Variants in BCL2 observed in about 807,000 individuals in gnomAD.
The protein encoded by BCL2 is apoptosis regulator Bcl-2.
In BCL2, 1 loss-of-function variant was observed where a neutral mutation model predicts 14.2. The ratio of observed to expected loss-of-function variants is 0.07; its 90% CI spans 0.02 to 0.33. The LOEUF (loss-of-function observed/expected upper bound fraction) is 0.33, where lower values mean the gene tolerates loss of function less well. BCL2 is among the 10% of genes least tolerant of loss of function. The pLI is 0.99. For missense variants in BCL2, 247 were observed against 305.9 expected (o/e 0.81, Z 1.44); for synonymous variants, 151 against 137.2 (o/e 1.10, Z -0.70).
In BCL2 at chr18:63,208,362, C is replaced by T. The variant is rs577390350; in HGVS notation, c.586-79603G>A. On this transcript the variant is annotated intron_variant, in intron 2 of 2. Coordinates refer to ENST00000333681, the MANE Select transcript of BCL2 (RefSeq NM_000633.3). ...CCCCACCCCCGCCCACCCGGCTCCC[C>T]GATGCTGGTGAATTAATCTATCCAC... 7.2e-5 allele frequency among the ~76,000 whole-genome samples: 11 copies of T among 152,208 alleles called. 1 individual carries two copies. The South Asian group carries it at 1.5e-3, about 20-fold the overall frequency.
At chr18:63,135,290 C>T (rs539188581) in intron 2 of BCL2, among the ~76,000 whole-genome samples, 20 of 152,240 alleles carry the variant, frequency 1.3e-4, no homozygotes, top group Non-Finnish European at 2.5e-4. Context: ...ACCTTCCTCT[C>T]TGCCCCAACT....
At chr18:63,216,829 C>T (rs1910219032) in intron 2 of BCL2, among the ~76,000 whole-genome samples, 1 of 152,148 alleles carries the variant, frequency 6.6e-6, no homozygotes, top group South Asian at 2.1e-4. Flanking sequence ...TTTTGCAGTG[C>T]AGTCAACATA....
intron 2 of BCL2, among the ~76,000 whole-genome samples, chr18:63,133,319 A>ATTTTTTTTTTTTTT (rs34022610): frequency 3.9e-5 from 4 of 103,382 alleles, no homozygotes; most frequent in Non-Finnish European, 3.8e-5. Context: ...ACCTTCAAGA[A>ATTTTTTTTTTTTTT]TTTTTTTTTT....
chr18:63,180,292 A>G lies in BCL2; in HGVS notation c.586-51533T>C, dbSNP rs182428132. On this transcript the variant is annotated intron_variant, in intron 2 of 2. Transcript: ENST00000333681. The stretch of plus-strand genomic sequence containing the variant: ...CACCAGCTCCCTAGCCAAATGGGGA[A>G]GAGCAGGGAAGGGAGATATTAAAAT... Among the ~76,000 whole-genome samples the G allele has an allele frequency of 2.6e-5, 4 of 152,382 alleles. No homozygotes were observed. In the East Asian group the frequency reaches 5.8e-4, roughly 22 times the overall value.
At chr18:63,258,685 C>T (rs1911558603) in intron 2 of BCL2, among the ~76,000 whole-genome samples, 1 of 152,254 alleles carries the variant, frequency 6.6e-6, no homozygotes. Context: ...TCTCCGGCTT[C>T]AGGGGGAGCA....
At chr18:63,172,780 C>CAAAAAA (rs1915255732) in intron 2 of BCL2, among the ~76,000 whole-genome samples, 1 of 151,958 alleles carries the variant, frequency 6.6e-6, no homozygotes, top group African/African-American at 2.4e-5. Context: ...GACTGTGTCT[C>CAAAAAA]AAAAACAAAA....
intron 2 of BCL2, among the ~76,000 whole-genome samples, chr18:63,216,068 C>A (rs12967026): frequency 1.3e-5 from 2 of 151,802 alleles, no homozygotes; most frequent in Admixed American, 6.6e-5. Context: ...AGACAGGAGC[C>A]TATCAACATA....
At chr18:63,199,283 C>T (rs972828784) in intron 2 of BCL2, among the ~76,000 whole-genome samples, 1 of 149,150 alleles carries the variant, frequency 6.7e-6, no homozygotes, top group African/African-American at 2.5e-5. Flanking sequence ...CACACACAGA[C>T]ACATGCACAG....
intron 2 of BCL2, among the ~76,000 whole-genome samples, chr18:63,238,067 G>A (rs1014773203): frequency 4.6e-5 from 7 of 151,828 alleles, no homozygotes; most frequent in Non-Finnish European, 1.0e-4. Context: ...TTTCTTATTC[G>A]GTTCAACATT....
chr18:63,240,794 G>A (rs1167574919), intron 2 of BCL2, among the ~76,000 whole-genome samples: 1 of 152,184 alleles, frequency 6.6e-6, no homozygotes, highest in Non-Finnish European at 1.5e-5. Context: ...ATGAATACAT[G>A]ACTTGTCTCT....
chr18:63,190,570 G>A (rs925822814), intron 2 of BCL2, among the ~76,000 whole-genome samples: 22 of 152,224 alleles, frequency 1.4e-4, no homozygotes, highest in Non-Finnish European at 2.9e-4. Context: ...CTGCCACCCA[G>A]CCCATGCTCC....
At chr18:63,132,036 A>G (rs1328249148) in intron 2 of BCL2, among the ~76,000 whole-genome samples, 1 of 152,190 alleles carries the variant, frequency 6.6e-6, no homozygotes, top group African/African-American at 2.4e-5. Flanking sequence ...ACGTAGAACA[A>G]TGTCATTTCT....
chr18:63,143,077 C>T (rs574491735), intron 2 of BCL2, among the ~76,000 whole-genome samples: 3 of 152,324 alleles, frequency 2.0e-5, no homozygotes, highest in Admixed American at 2.0e-4. Flanking sequence ...GGACAAGATA[C>T]GCTGGCGTGG....
At chr18:63,273,618 T>C (rs957276750) in intron 2 of BCL2, among the ~76,000 whole-genome samples, 13 of 152,224 alleles carry the variant, frequency 8.5e-5, no homozygotes, top group African/African-American at 3.1e-4. Flanking sequence ...TTGAACTCTT[T>C]GGACCTCATT....
chr18:63,303,385 T>A (rs567414372), intron 2 of BCL2, among the ~76,000 whole-genome samples: 2 of 152,366 alleles, frequency 1.3e-5, no homozygotes, highest in South Asian at 4.1e-4. Context: ...CATTTATTTT[T>A]TAACTATGAG....
chr18:63,249,100 C>T (rs1460535380), intron 2 of BCL2, among the ~76,000 whole-genome samples: 2 of 152,156 alleles, frequency 1.3e-5, no homozygotes, highest in African/African-American at 4.8e-5. Flanking sequence ...AGGAAAGAAA[C>T]CTGGTGAAGT....
At chr18:63,188,997 A>G (rs905970397) in intron 2 of BCL2, among the ~76,000 whole-genome samples, 1 of 79,736 alleles carries the variant, frequency 1.3e-5, no homozygotes, top group East Asian at 5.6e-4. Flanking sequence ...TTTTTTCCCC[A>G]AGTTTTTTTT....
chr18:63,199,899 G>A (rs924229999), intron 2 of BCL2, among the ~76,000 whole-genome samples: 7 of 150,906 alleles, frequency 4.6e-5, no homozygotes, highest in Admixed American at 2.6e-4. Context: ...CGGTAGCACG[G>A]ACCAAAACCG....
At chr18:63,281,817 GTTAATT>G (rs1431648238) in intron 2 of BCL2, among the ~76,000 whole-genome samples, 1 of 152,218 alleles carries the variant, frequency 6.6e-6, no homozygotes, top group African/African-American at 2.4e-5. Context: ...CACCAGAGAA[GTTAATT>G]TTAATTTTAA....
Sources: gnomAD v4.1 joint callset for allele counts (sites outside exome capture counted in the v4.1 genomes callset) on GRCh38, gnomAD v4.1.1 for gene constraint, MANE v1.5 for transcripts, NCBI Gene and HGNC (gene_info 2026-07-23, HGNC 2026-07-21) for gene names.